RUFY1: variants seen among roughly 807,000 people sequenced by gnomAD.
RUFY1 encodes the protein RUN and FYVE domain-containing protein 1.
Under a neutral mutation model 94.6 loss-of-function variants are expected in RUFY1, and 54 were observed. The ratio of observed to expected loss-of-function variants is 0.57; its 90% CI spans 0.46 to 0.72. The LOEUF is 0.72. Ranked by LOEUF, RUFY1 falls within the 30% of genes least tolerant of loss-of-function variation. The probability of loss-of-function intolerance (pLI) is 0.00; values close to 1 mark genes in which losing one functional copy is unlikely to be tolerated. For synonymous variants in RUFY1, 396 were observed against 347.3 expected (o/e 1.14, Z -1.56); for missense variants, 883 against 883.9 (o/e 1.00, Z 0.01).
At chr5:179,568,951 A>G (rs991882711) in intron 4 of RUFY1, 2 of 768,902 alleles carry the variant, frequency 2.6e-6, no homozygotes, top group Admixed American at 6.3e-5. Context: ...TTATATCAGC[A>G]TAAGTGGAGA....
Position 179,592,697 on chromosome 5 carries a change from G to A in RUFY1, c.1246-781G>A, listed in dbSNP as rs1031993018. On this transcript the variant is annotated intron_variant, in intron 10 of 17. Transcript: ENST00000319449. Reference sequence around the variant, plus strand: ...AGAGTTACTTGTAAACACTGTTCTTGTACCTGCTTTATTTCTTTGCTTCTT... The same window carrying A: ...AGAGTTACTTGTAAACACTGTTCTTATACCTGCTTTATTTCTTTGCTTCTT... Among the ~76,000 whole-genome samples, 5 of 152,124 alleles carry A rather than the reference G, an allele frequency of 3.3e-5. No individual in the cohort carries two copies. In the East Asian group the frequency reaches 9.6e-4, roughly 29 times the overall value.
At chr5:179,553,213 C>G (rs1332559192) in intron 1 of RUFY1, among the ~76,000 whole-genome samples, 1 of 152,212 alleles carries the variant, frequency 6.6e-6, no homozygotes, top group Non-Finnish European at 1.5e-5. Context: ...AATCTCAGGG[C>G]AGGGTGGCTG....
At chr5:179,555,072 A>G (rs533375486) in intron 1 of RUFY1, among the ~76,000 whole-genome samples, 3 of 152,206 alleles carry the variant, frequency 2.0e-5, no homozygotes, top group Non-Finnish European at 4.4e-5. Context: ...TTCCTCTCTC[A>G]ACACTGGCTG....
chr5:179,609,606 GTATC>G lies in RUFY1; in HGVS notation c.*88_*91del, dbSNP rs1345036654. ...TTGGGAAATGTGTTCTTTCCCAAGA[GTATC>G]AAAGGAAAGAATCAAATTTCTTGCC... On this transcript the variant is annotated 3_prime_UTR_variant, in exon 18 of 18. Transcript: ENST00000319449. 1.5e-6 allele frequency: 2 copies of G among 1,318,010 alleles called. No homozygotes were observed. Among genetic ancestry groups the G allele is most frequent in the African/African-American group, 3.0e-5 (2 of 66,852 alleles). 81.6% of individuals were successfully genotyped at this position (1,318,010 alleles called of 1,614,324 possible).
At position 179,586,618 on chromosome 5, in the gene RUFY1, C is replaced by T. The variant is rs1452239939; in HGVS notation, c.1026+753C>T. 5 of 344,246 alleles carry T rather than the reference C, an allele frequency of 1.5e-5. No individual in the cohort carries two copies. In the East Asian group the frequency reaches 3.1e-4, roughly 21 times the overall value. The allele number at this position is 344,246 out of a possible 1,614,324, so 21.3% of individuals were successfully genotyped here. On this transcript the variant is annotated intron_variant, in intron 8 of 17. Transcript: ENST00000319449. Reference sequence around the variant, plus strand: ...AGCCCATCTCTGTAATGAGGGACCCCGTGTAAGCCTCCCTTAAAGCTGACT... The same window carrying T: ...AGCCCATCTCTGTAATGAGGGACCCTGTGTAAGCCTCCCTTAAAGCTGACT...
At chr5:179,584,021 T>G (rs1002839221) in intron 7 of RUFY1, among the ~76,000 whole-genome samples, 4 of 152,202 alleles carry the variant, frequency 2.6e-5, no homozygotes, top group Admixed American at 2.6e-4. Flanking sequence ...GTGCTGGGAT[T>G]ACAGGCGTGA....
At chr5:179,551,080 C>T (rs967934326) in intron 1 of RUFY1, among the ~76,000 whole-genome samples, 6 of 134,930 alleles carry the variant, frequency 4.4e-5, no homozygotes, top group Non-Finnish European at 1.0e-4. Flanking sequence ...GCCCCGCGTG[C>T]CTGAGCGCGC....
In RUFY1 at chr5:179,605,859, CTT is replaced by C. The variant is rs751564755; in HGVS notation, c.1857-8_1857-7del. The C allele has an allele frequency of 8.6e-6, 12 of 1,391,268 alleles. No individual in the cohort carries two copies. The highest frequency in any genetic ancestry group is 1.9e-5 in the Admixed American group (1 of 53,652). 86.2% of individuals were successfully genotyped at this position (1,391,268 alleles called of 1,614,324 possible). A position where few individuals can be genotyped will look rare whatever the true frequency, so the allele number is the denominator to read the frequency against. The stretch of plus-strand genomic sequence containing the variant: ...CTCTCTCTCACTGCTATGAAATGGC[CTT>C]TTTTTTTTCCTTAGGTCCAAGCTGA... On this transcript the variant is annotated splice_polypyrimidine_tract_variant and intron_variant, in intron 15 of 17. Coordinates refer to ENST00000319449, the MANE Select transcript of RUFY1 (RefSeq NM_025158.5).
intron 8 of RUFY1, chr5:179,586,453 A>T: frequency 2.2e-6 from 1 of 456,500 alleles, no homozygotes; most frequent in Non-Finnish European, 4.4e-6. Context: ...GGGGGTGCTC[A>T]GCCCTTCTGA....
chr5:179,579,881 C>T (rs1288108864), intron 6 of RUFY1, among the ~76,000 whole-genome samples: 1 of 151,424 alleles, frequency 6.6e-6, no homozygotes, highest in Non-Finnish European at 1.5e-5. Context: ...GTTGACCAGG[C>T]TGGTCTCAAA....
Position 179,601,914 on chromosome 5 carries a change from A to G in RUFY1, c.1784A>G (p.Glu595Gly). The G allele has an allele frequency of 6.2e-7, 1 of 1,613,142 alleles. No homozygotes were observed. ...LKKELRELQD[E>G]KAELQKICEE... is the part of the protein sequence containing the mutation. ...TAGGAGTTGCGGGAGCTTCAGGACG[A>G]GAAGGCAGAGCTGCAGAAGATCTGC... Residue 595 changes from glutamate (E) to glycine (G), a missense_variant, in exon 15 of 18, where the codon GAG becomes GGG. Coordinates refer to ENST00000319449, the MANE Select transcript of RUFY1 (RefSeq NM_025158.5).
chr5:179,557,725 A>C (rs948576682), intron 1 of RUFY1, among the ~76,000 whole-genome samples: 1 of 152,140 alleles, frequency 6.6e-6, no homozygotes, highest in African/African-American at 2.4e-5. Context: ...ATAATTACAT[A>C]GATTTGTAGG....
At chr5:179,595,205 C>T (rs922667320) in intron 12 of RUFY1, among the ~76,000 whole-genome samples, 23 of 152,032 alleles carry the variant, frequency 1.5e-4, no homozygotes, top group African/African-American at 4.1e-4. Flanking sequence ...TTAGGACGGG[C>T]GCGGTGGCTC....
rs776700678 is a variant in RUFY1, at chr5:179,591,641, C to T, written c.1145C>T (p.Thr382Ile). The change falls in exon 10 of 18, where the codon ACC (threonine) becomes ATC (isoleucine). Residue 382 changes from threonine (T) to isoleucine (I), a missense_variant. Coordinates refer to ENST00000319449, the MANE Select transcript of RUFY1 (RefSeq NM_025158.5). ...EKSVEITKQD[T>I]KVELETYKQT... is the part of the protein sequence containing the mutation. ...TTGATACAGATAACAAAACAGGATA[C>T]CAAAGTTGAGCTGGAGACTTACAAG... 2 of 1,611,182 alleles carry T rather than the reference C, an allele frequency of 1.2e-6. No homozygotes were observed. The highest frequency in any genetic ancestry group is 2.2e-5 in the East Asian group (1 of 44,798).
At chr5:179,581,161 A>G (rs1764128025) in intron 7 of RUFY1, 149 bp downstream of exon 7, 1 of 606,936 alleles carries the variant, frequency 1.6e-6, no homozygotes, top group African/African-American at 1.9e-5. Flanking sequence ...TATTTGTACA[A>G]ACTGAAGAAG....
chr5:179,597,917 C>T lies in RUFY1; in HGVS notation c.1632-775C>T, dbSNP rs1007362295. Among the ~76,000 whole-genome samples, 17 of 152,036 alleles carry T rather than the reference C, an allele frequency of 1.1e-4. 1 individual carries two copies. The highest frequency in any genetic ancestry group is 2.4e-4 in the Non-Finnish European group (16 of 68,010). ...GTAGAAAGCAGAATGAGGCCGGGCG[C>T]GGTGGCTCACGCCCATAATCCCAGC... On this transcript the variant is annotated intron_variant, in intron 13 of 17. Coordinates refer to ENST00000319449, the MANE Select transcript of RUFY1 (RefSeq NM_025158.5).
intron 6 of RUFY1, 52 bp downstream of exon 6, chr5:179,577,188 T>TATAAA: frequency 2.1e-6 from 2 of 963,208 alleles, no homozygotes; most frequent in Non-Finnish European, 3.0e-6. Context: ...TTTTTTTTTT[T>TATAAA]TGAGACAGAA....
chr5:179,562,788 A>G, intron 3 of RUFY1, 124 bp downstream of exon 3: 1 of 660,236 alleles, frequency 1.5e-6, no homozygotes, highest in East Asian at 2.6e-5. Context: ...CATTATCCAC[A>G]TGATCTCTAG....
Position 179,551,025 on chromosome 5 carries a change from G to A in RUFY1, c.310+146G>A, listed in dbSNP as rs566162734. The A allele has an allele frequency of 2.7e-4, 192 of 705,856 alleles. No individual in the cohort carries two copies. The African/African-American group carries it at 3.6e-3, about 13-fold the overall frequency. The allele number at this position is 705,856 out of a possible 1,614,324, so 43.7% of individuals were successfully genotyped here. ...TGGCGGGCGGGCGGCGCCTGGCTGC[G>A]CCTGGGTCTTTACTCCGGCGGCCCA... On this transcript the variant is annotated intron_variant, in intron 1 of 17. Coordinates refer to ENST00000319449, the MANE Select transcript of RUFY1 (RefSeq NM_025158.5).
Sources: allele counts gnomAD v4.1 joint callset (sites outside exome capture counted in the v4.1 genomes callset), GRCh38; gene constraint gnomAD v4.1.1; transcripts MANE v1.5; gene names NCBI Gene and HGNC (gene_info 2026-07-23, HGNC 2026-07-21).